The following PACRG variants were observed in gnomAD, a reference collection of about 807,000 sequenced individuals.
The protein encoded by PACRG is parkin coregulated.
In PACRG, 29 loss-of-function variants were observed where a neutral mutation model predicts 29.7. The observed-to-expected ratio is 0.98, with a 90% CI of 0.73 to 1.33. The LOEUF (loss-of-function observed/expected upper bound fraction) is 1.33. Ranked by LOEUF, PACRG falls within the 40% of genes most tolerant of loss-of-function variation. PACRG has a pLI of 0.00. For synonymous variants in PACRG, 116 were observed against 118.7 expected (o/e 0.98, Z 0.15); for missense variants, 279 against 316.2 (o/e 0.88, Z 0.89).
chr6:163,276,898 T>C (rs1030258409), intron 4 of PACRG, among the ~76,000 whole-genome samples: 10 of 152,194 alleles, frequency 6.6e-5, no homozygotes, highest in Non-Finnish European at 1.5e-4. Flanking sequence ...GTCTAAGATA[T>C]TTGGTTATAG....
At chr6:162,979,240 A>G (rs1429594511) in intron 2 of PACRG, among the ~76,000 whole-genome samples, 1 of 152,110 alleles carries the variant, frequency 6.6e-6, no homozygotes, top group Non-Finnish European at 1.5e-5. Flanking sequence ...GTGAGGTGAC[A>G]TCTCACTGTG....
intron 4 of PACRG, among the ~76,000 whole-genome samples, chr6:163,116,997 C>T (rs1386180673): frequency 6.6e-6 from 1 of 152,176 alleles, no homozygotes; most frequent in Non-Finnish European, 1.5e-5. Flanking sequence ...TGGCCAGCAT[C>T]ATTTCTCCAC....
chr6:163,024,532 T>C (rs1262297230), intron 2 of PACRG, among the ~76,000 whole-genome samples: 2 of 152,236 alleles, frequency 1.3e-5, no homozygotes, highest in Non-Finnish European at 2.9e-5. Context: ...ATATTCTTTT[T>C]GCTTAGAAGC....
At chr6:162,926,042 C>T (rs762552596) in intron 2 of PACRG, among the ~76,000 whole-genome samples, 2 of 152,032 alleles carry the variant, frequency 1.3e-5, no homozygotes, top group Non-Finnish European at 2.9e-5. Context: ...CATGAATGAA[C>T]TCCCATTCAC....
At chr6:163,149,927 C>T (rs1478319308) in intron 4 of PACRG, among the ~76,000 whole-genome samples, 4 of 152,208 alleles carry the variant, frequency 2.6e-5, no homozygotes, top group Admixed American at 2.0e-4. Context: ...TGGGACTCCT[C>T]CCGCCCTGGG....
chr6:163,296,483 C>T (rs9458780), intron 4 of PACRG, among the ~76,000 whole-genome samples: 37,247 of 152,000 alleles, frequency 0.25, 5,260 homozygotes, highest in East Asian at 0.35. Context: ...TTAGTAGAGA[C>T]GGGGTTTCAC....
intron 2 of PACRG, chr6:163,052,179 C>T (rs1447038301): frequency 4.6e-5 from 7 of 151,934 alleles, no homozygotes; most frequent in Non-Finnish European, 1.0e-4. Context: ...TTTGTAAGAC[C>T]TCTTGTAATA....
rs142371373 is a variant in PACRG, at chr6:163,245,464, G to A, written c.614-69363G>A. On this transcript the variant is annotated intron_variant, in intron 4 of 4. Transcript: ENST00000366888. Reference sequence around the variant, plus strand: ...GTTCATTCAAAAATCGCACAGAGCCGGCGTCTCCGTGACAGGTTTGGAGAG... The same window carrying A: ...GTTCATTCAAAAATCGCACAGAGCCAGCGTCTCCGTGACAGGTTTGGAGAG... Among the ~76,000 whole-genome samples, 35 of 152,194 alleles carry A rather than the reference G, an allele frequency of 2.3e-4. No individual in the cohort carries two copies. In the East Asian group the frequency reaches 5.0e-3, roughly 22 times the overall value.
At chr6:162,748,241 A>C (rs574927460) in intron 1 of PACRG, among the ~76,000 whole-genome samples, 1 of 152,330 alleles carries the variant, frequency 6.6e-6, no homozygotes, top group East Asian at 1.9e-4. Flanking sequence ...CTGTAATTCC[A>C]GCACTTTGGG....
chr6:163,105,931 A>G (rs941318880), intron 4 of PACRG, among the ~76,000 whole-genome samples: 32 of 152,106 alleles, frequency 2.1e-4, no homozygotes, highest in Admixed American at 7.2e-4. Context: ...TTTTAATGAG[A>G]TTATTGACTT....
intron 2 of PACRG, among the ~76,000 whole-genome samples, chr6:162,956,891 C>T (rs572806693): frequency 2.6e-4 from 39 of 152,200 alleles, no homozygotes; most frequent in Non-Finnish European, 4.4e-4. Flanking sequence ...ACAGTGTAAC[C>T]TATTATCAGT....
intron 4 of PACRG, among the ~76,000 whole-genome samples, chr6:163,173,438 G>A (rs754490390): frequency 2.0e-5 from 3 of 152,128 alleles, no homozygotes; most frequent in Non-Finnish European, 4.4e-5. Flanking sequence ...GGCCAAAACC[G>A]TAGAGGATTT....
intron 2 of PACRG, among the ~76,000 whole-genome samples, chr6:162,906,050 G>A (rs886226923): frequency 2.0e-5 from 3 of 152,114 alleles, no homozygotes; most frequent in African/African-American, 7.2e-5. Context: ...AAAAGGGGGG[G>A]AAAGCTGAGG....
intron 2 of PACRG, among the ~76,000 whole-genome samples, chr6:162,939,179 C>T (rs1798442299): frequency 6.6e-6 from 1 of 152,122 alleles, no homozygotes. Flanking sequence ...CCCTATTCAA[C>T]AAATGATAAT....
At chr6:162,768,152 T>A (rs778895698) in intron 1 of PACRG, among the ~76,000 whole-genome samples, 40 of 152,088 alleles carry the variant, frequency 2.6e-4, no homozygotes, top group Non-Finnish European at 4.7e-4. Context: ...TTAATGAATA[T>A]CTCCTGGTGA....
chr6:162,785,338 A>G (rs931351163), intron 1 of PACRG, among the ~76,000 whole-genome samples: 2 of 152,222 alleles, frequency 1.3e-5, no homozygotes, highest in African/African-American at 4.8e-5. Flanking sequence ...TTTTGGGGTT[A>G]TCATATTGCC....
intron 2 of PACRG, among the ~76,000 whole-genome samples, chr6:163,032,256 C>T (rs1407986012): frequency 1.3e-5 from 2 of 152,152 alleles, no homozygotes; most frequent in East Asian, 3.8e-4. Context: ...AAAAATATTA[C>T]TTTAGACTTT....
intron 2 of PACRG, among the ~76,000 whole-genome samples, chr6:162,840,169 G>A (rs1789631563): frequency 2.9e-5 from 3 of 103,754 alleles, no homozygotes; most frequent in South Asian, 4.0e-4. Context: ...CATTGAATCT[G>A]TAAATTACCT....
chr6:162,771,558 C>T (rs543103668), intron 1 of PACRG, among the ~76,000 whole-genome samples: 5 of 151,690 alleles, frequency 3.3e-5, no homozygotes, highest in Admixed American at 1.3e-4. Context: ...GGCATTTTTA[C>T]GAAGACCAGG....
Sources: allele counts gnomAD v4.1 joint callset (sites outside exome capture counted in the v4.1 genomes callset), GRCh38; gene constraint gnomAD v4.1.1; transcripts MANE v1.5; gene names NCBI Gene and HGNC (gene_info 2026-07-23, HGNC 2026-07-21).